The following CERS5 variants were observed in gnomAD, a reference collection of about 807,000 sequenced individuals.
The protein encoded by CERS5 is LAG1 homolog, ceramide synthase 5.
CERS5 carries 37 observed loss-of-function variants against 58.9 expected under a neutral mutation model. The ratio of observed to expected loss-of-function variants is 0.63; its 90% CI spans 0.48 to 0.83. The LOEUF is 0.83. CERS5 is among the 40% of genes least tolerant of loss of function. The pLI is 0.00. For missense variants in CERS5, 398 were observed against 489.3 expected, an observed-to-expected ratio of 0.81 and a Z score of 1.76; for synonymous variants, 147 against 177.8, an observed-to-expected ratio of 0.83 and a Z score of 1.38.
At chr12:50,139,720 G>A (rs1951864659) in intron 4 of CERS5, among the ~76,000 whole-genome samples, 1 of 152,066 alleles carries the variant, frequency 6.6e-6, no homozygotes, top group South Asian at 2.1e-4. Context: ...TTGAACCCAG[G>A]AGGCAGAGGT....
At chr12:50,151,974 C>T (rs1054046136) in intron 1 of CERS5, among the ~76,000 whole-genome samples, 2 of 152,272 alleles carry the variant, frequency 1.3e-5, no homozygotes, top group Admixed American at 6.5e-5. Flanking sequence ...TATCAAATAA[C>T]GTATGGCTGT....
intron 9 of CERS5, 25 bp downstream of exon 9, chr12:50,134,521 G>T: frequency 6.2e-7 from 1 of 1,614,098 alleles, no homozygotes; most frequent in Admixed American, 1.7e-5. Context: ...ATACCCAAAA[G>T]AAAGAAGCCA....
intron 1 of CERS5, among the ~76,000 whole-genome samples, chr12:50,146,581 C>A (rs144610831): frequency 1.3e-5 from 2 of 152,226 alleles, no homozygotes; most frequent in Admixed American, 6.5e-5. Flanking sequence ...ATTTGACAGC[C>A]GGGCGCAGTG....
rs139125396 is a variant in CERS5 at position 50,144,056 on chromosome 12, A to G, written c.199T>C (p.Phe67Leu). The stretch of plus-strand genomic sequence containing the variant: ...CAGAGTGCACAGGGTTTGGCAATAA[A>G]TCTGTAATGGAGAAAACCCACGGGC... ...IFFVRLLFERFIAKPCALCIG... is the reference protein window; with the variant it reads ...IFFVRLLFERLIAKPCALCIG... Residue 67 changes from phenylalanine to leucine, a missense_variant and splice_region_variant, in exon 2 of 10, where the codon TTT becomes CTT. Physicochemically the swap from Phe to Leu is conservative, Grantham distance 22. This residue lies in a region of CERS5 where 328 missense variants were observed against 384.5 expected (regional missense o/e 0.85). Transcript: ENST00000317551. 2.6e-5 allele frequency: 41 copies of G among 1,591,384 alleles called. No individual in the cohort carries two copies. The African/African-American group carries it at 4.6e-4, about 18-fold the overall frequency.
At chr12:50,153,469 G>C (rs1938211041) in intron 1 of CERS5, among the ~76,000 whole-genome samples, 1 of 151,216 alleles carries the variant, frequency 6.6e-6, no homozygotes, top group Admixed American at 6.6e-5. Context: ...TAGTAGAGAC[G>C]GGGTTTCACC....
chr12:50,137,931 CT>C (rs1489754349), intron 5 of CERS5, 111 bp from the exon 6 acceptor site: 1 of 698,100 alleles, frequency 1.4e-6, no homozygotes, highest in African/African-American at 1.8e-5. Context: ...GACATCTCTC[CT>C]CCCCATTATC....
intron 1 of CERS5, among the ~76,000 whole-genome samples, chr12:50,152,297 G>A (rs1938054146): frequency 6.6e-6 from 1 of 152,162 alleles, no homozygotes; most frequent in African/African-American, 2.4e-5. Context: ...CCAAATCAAG[G>A]TAGTGACACC....
intron 1 of CERS5, chr12:50,144,764 C>G: frequency 1.3e-6 from 2 of 1,509,860 alleles, no homozygotes; most frequent in South Asian, 2.4e-5. Context: ...GGTAAAATCA[C>G]TTACCTCTTG....
rs73301424 is a variant in CERS5 at position 50,166,699 on chromosome 12, G to C, written c.197+402C>G. On this transcript the variant is annotated intron_variant, in intron 1 of 9. Coordinates refer to ENST00000317551, the MANE Select transcript of CERS5 (RefSeq NM_147190.5). ...GTCTGGCCCTTGCGTTGACCCCTCG[G>C]CTTCCATGGTCACAACTAGCTCTGG... 8.5e-3 allele frequency among the ~76,000 whole-genome samples: 1,293 copies of C among 152,166 alleles called. 22 individuals carry two copies. Among genetic ancestry groups the C allele is most frequent in the African/African-American group, 0.03 (1,228 of 41,500 alleles).
intron 1 of CERS5, chr12:50,153,925 G>T: frequency 2.7e-6 from 1 of 370,034 alleles, no homozygotes. Flanking sequence ...TTGGACTCCA[G>T]CCTGGGCGAC....
intron 1 of CERS5, among the ~76,000 whole-genome samples, chr12:50,158,454 T>G (rs1463876815): frequency 2.0e-5 from 3 of 152,216 alleles, no homozygotes; most frequent in African/African-American, 7.2e-5. Flanking sequence ...ACATATAGTT[T>G]GATATGACAT....
intron 1 of CERS5, chr12:50,165,108 A>G (rs1939720926): frequency 6.6e-6 from 1 of 152,108 alleles, no homozygotes; most frequent in African/African-American, 2.4e-5. Context: ...ATGACTAACT[A>G]CAACGATTAC....
chr12:50,130,196 T>C lies in CERS5; in HGVS notation c.*349A>G. On this transcript the variant is annotated 3_prime_UTR_variant, in exon 10 of 10. Coordinates refer to ENST00000317551, the MANE Select transcript of CERS5 (RefSeq NM_147190.5). ...AGTCTGGAGTTGGCATAATTCAAGA[T>C]GCAGCCAAATGTGGAACTAAGGTGG... The C allele has an allele frequency of 5.3e-6, 1 of 189,294 alleles. No homozygotes were observed. Among genetic ancestry groups the C allele is most frequent in the Non-Finnish European group, 1.1e-5 (1 of 92,324 alleles). The allele number at this position is 189,294 out of a possible 1,614,324, so 11.7% of individuals were successfully genotyped here.
chr12:50,146,846 C>CAAAA (rs10714679), intron 1 of CERS5, among the ~76,000 whole-genome samples: 3 of 104,952 alleles, frequency 2.9e-5, no homozygotes, highest in African/African-American at 3.6e-5. Context: ...GACTCCGTCT[C>CAAAA]AAAAAAAAAA....
rs1248580889 is a variant in CERS5, at chr12:50,143,945, C to CACTT, written c.303+3_303+6dup. The stretch of plus-strand genomic sequence containing the variant: ...GAATATTCCTCTCTGTTTCTTTGCC[C>CACTT]ACTTACCTTGGTAATAGATATGAAC... On this transcript the variant is annotated splice_region_variant and intron_variant, in intron 2 of 9. Coordinates refer to ENST00000317551, the MANE Select transcript of CERS5 (RefSeq NM_147190.5). The CACTT allele has an allele frequency of 6.5e-7, 1 of 1,548,402 alleles. No individual in the cohort carries two copies. The highest frequency in any genetic ancestry group is 8.9e-7 in the Non-Finnish European group (1 of 1,120,574).
At chr12:50,156,424 A>ATG (rs1938643975) in intron 1 of CERS5, among the ~76,000 whole-genome samples, 3 of 125,354 alleles carry the variant, frequency 2.4e-5, no homozygotes, top group Non-Finnish European at 5.1e-5. Context: ...AACAAACTAT[A>ATG]TATATATATA....
chr12:50,147,777 A>G (rs2138140774), intron 1 of CERS5, among the ~76,000 whole-genome samples: 1 of 152,134 alleles, frequency 6.6e-6, no homozygotes, highest in East Asian at 1.9e-4. Context: ...TAATGAGTTC[A>G]TTGTTATTTA....
At chr12:50,153,478 C>T (rs2138194315) in intron 1 of CERS5, among the ~76,000 whole-genome samples, 1 of 150,976 alleles carries the variant, frequency 6.6e-6, no homozygotes, top group African/African-American at 2.4e-5. Flanking sequence ...CGGGGTTTCA[C>T]CATGTTGGCC....
At chr12:50,143,574 T>C (rs986709238) in intron 2 of CERS5, 1 of 249,522 alleles carries the variant, frequency 4.0e-6, no homozygotes, top group Admixed American at 5.0e-5. Flanking sequence ...TGGCAAAACC[T>C]TGTCTCTCCA....
Sources: allele counts gnomAD v4.1 joint callset (sites outside exome capture counted in the v4.1 genomes callset), GRCh38; gene constraint gnomAD v4.1.1; regional missense constraint gnomAD v4.1.1; transcripts MANE v1.5; gene names NCBI Gene and HGNC (gene_info 2026-07-23, HGNC 2026-07-21).